PARP8: variants seen among roughly 807,000 people sequenced by gnomAD.
The protein encoded by PARP8 is protein mono-ADP-ribosyltransferase PARP8.
PARP8 carries 51 observed loss-of-function variants against 124.1 expected under a neutral mutation model. That is an observed-to-expected ratio of 0.41 (90% CI 0.33 to 0.52). The LOEUF is 0.52. PARP8 is among the 20% of genes least tolerant of loss of function. PARP8 has a pLI of 0.21. For synonymous variants in PARP8, 391 were observed against 361.5 expected, an observed-to-expected ratio of 1.08 and a Z score of -0.93; for missense variants, 860 against 1,018.9, an observed-to-expected ratio of 0.84 and a Z score of 2.12.
chr5:50,721,057 A>C (rs542768643), intron 2 of PARP8, among the ~76,000 whole-genome samples: 1 of 150,140 alleles, frequency 6.7e-6, no homozygotes, highest in African/African-American at 2.4e-5. Flanking sequence ...GGAGAAGGTC[A>C]TCTAATGATC....
intron 2 of PARP8, among the ~76,000 whole-genome samples, chr5:50,691,936 G>A (rs1165875719): frequency 6.6e-6 from 1 of 152,056 alleles, no homozygotes; most frequent in Admixed American, 6.6e-5. Context: ...TTAACTATTT[G>A]TTATCATATC....
chr5:50,817,142 T>C (rs1258129142), intron 15 of PARP8, among the ~76,000 whole-genome samples: 1 of 152,160 alleles, frequency 6.6e-6, no homozygotes, highest in South Asian at 2.1e-4. Flanking sequence ...AAAAGTAGTA[T>C]GCTAACAGTA....
chr5:50,804,890 T>A (rs1743652943), intron 14 of PARP8, among the ~76,000 whole-genome samples: 1 of 152,138 alleles, frequency 6.6e-6, no homozygotes, highest in Non-Finnish European at 1.5e-5. Context: ...TGCGTTTACG[T>A]AGAGTTAAAT....
At chr5:50,730,734 T>G (rs1373586471) in intron 2 of PARP8, among the ~76,000 whole-genome samples, 3 of 152,192 alleles carry the variant, frequency 2.0e-5, no homozygotes. Flanking sequence ...CAGAGATTAT[T>G]GAGATATTTT....
At chr5:50,738,947 C>A (rs1252392554) in intron 2 of PARP8, 1 of 701,892 alleles carries the variant, frequency 1.4e-6, no homozygotes, top group Non-Finnish European at 2.6e-6. Flanking sequence ...CTGTCTCTGA[C>A]ATTTTCTAAG....
chr5:50,717,681 A>T (rs1755462340), intron 2 of PARP8, among the ~76,000 whole-genome samples: 1 of 151,966 alleles, frequency 6.6e-6, no homozygotes, highest in Non-Finnish European at 1.5e-5. Flanking sequence ...GAAACTAAGG[A>T]AGGACCATAG....
chr5:50,821,260 T>C lies in PARP8; in HGVS notation c.1716T>C (p.Pro572=), dbSNP rs1338205409. ...TGTGTAGGTCTGCGTTGGAATCTCC[T>C]AGAAAAGTTGTGATTTTCGAGCCAT... ...VSMCRSALES[P]RKVVIFEPYP... The change falls in exon 16 of 26, where the codon CCT becomes CCC. Residue 572 remains proline (P), a synonymous_variant. Transcript: ENST00000281631. The C allele has an allele frequency of 2.5e-6, 4 of 1,613,746 alleles. No homozygotes were observed. In the African/African-American group the frequency reaches 5.3e-5, roughly 22 times the overall value.
intron 10 of PARP8, among the ~76,000 whole-genome samples, chr5:50,792,071 A>T (rs1191741107): frequency 4.6e-5 from 7 of 152,176 alleles, no homozygotes; most frequent in Non-Finnish European, 1.0e-4. Flanking sequence ...CTTTGTTCAC[A>T]TAGTTGGCCG....
intron 21 of PARP8, among the ~76,000 whole-genome samples, chr5:50,829,166 ATAT>A (rs1746673663): frequency 6.6e-6 from 1 of 152,150 alleles, no homozygotes; most frequent in African/African-American, 2.4e-5. Flanking sequence ...TGTTAGCAGG[ATAT>A]CATGGCAGTC....
Position 50,843,987 on chromosome 5 carries a change from C to G in PARP8, c.*1919C>G, listed in dbSNP as rs1748422447. The G allele has an allele frequency of 6.6e-6, 1 of 151,738 alleles. No individual in the cohort carries two copies. The highest frequency in any genetic ancestry group is 1.5e-5 in the Non-Finnish European group (1 of 67,804). The allele number at this position is 151,738 out of a possible 1,614,324, so 9.4% of individuals were successfully genotyped here. ...CTCCAATAAGCTCTGTAGAGTGCCT[C>G]CAGCATAATTCAAAATCCACTGACC... On this transcript the variant is annotated 3_prime_UTR_variant, in exon 26 of 26. Coordinates refer to ENST00000281631, the MANE Select transcript of PARP8 (RefSeq NM_024615.4).
intron 4 of PARP8, 49 bp downstream of exon 4, chr5:50,759,781 T>G: frequency 1.3e-6 from 2 of 1,512,240 alleles, no homozygotes; most frequent in Non-Finnish European, 1.8e-6. Context: ...TAAATTGCAT[T>G]ATCTTTTTTT....
At chr5:50,715,824 T>A (rs1755248988) in intron 2 of PARP8, among the ~76,000 whole-genome samples, 1 of 152,086 alleles carries the variant, frequency 6.6e-6, no homozygotes, top group Admixed American at 6.6e-5. Context: ...AGCTTCTGTC[T>A]CCTTCTTTTC....
chr5:50,758,894 CCTGTAGACTAA>C (rs1292958716), intron 3 of PARP8, among the ~76,000 whole-genome samples: 2 of 151,806 alleles, frequency 1.3e-5, no homozygotes, highest in Non-Finnish European at 2.9e-5. Flanking sequence ...ATTTAAGGAC[CCTGTAGACTAA>C]CTTAGTATTT....
At chr5:50,759,788 T>G (rs574685027) in intron 4 of PARP8, 56 bp downstream of exon 4, 90 of 1,494,166 alleles carry the variant, frequency 6.0e-5, no homozygotes, top group Admixed American at 2.3e-4. Flanking sequence ...CATTATCTTT[T>G]TTTGTTTGTT....
At chr5:50,731,534 G>A (rs951434520) in intron 2 of PARP8, among the ~76,000 whole-genome samples, 4 of 152,218 alleles carry the variant, frequency 2.6e-5, no homozygotes, top group African/African-American at 7.2e-5. Flanking sequence ...GTAAAGGGTC[G>A]CTAAACAGCT....
chr5:50,677,474 T>G (rs985118224), intron 2 of PARP8, among the ~76,000 whole-genome samples: 5 of 152,216 alleles, frequency 3.3e-5, no homozygotes, highest in Non-Finnish European at 7.4e-5. Flanking sequence ...AATTCTTTCT[T>G]GATTTTTCTT....
At chr5:50,790,940 G>A (rs1046850060) in intron 10 of PARP8, among the ~76,000 whole-genome samples, 1 of 151,868 alleles carries the variant, frequency 6.6e-6, no homozygotes, top group Non-Finnish European at 1.5e-5. Context: ...AATTAGATTT[G>A]GCTATGATCC....
chr5:50,811,858 G>T (rs1461994143), intron 14 of PARP8, among the ~76,000 whole-genome samples: 1 of 152,108 alleles, frequency 6.6e-6, no homozygotes, highest in Non-Finnish European at 1.5e-5. Flanking sequence ...CTGTCTTTGC[G>T]ATAGTTTGCT....
intron 2 of PARP8, among the ~76,000 whole-genome samples, chr5:50,705,766 C>T (rs1488837150): frequency 3.3e-5 from 5 of 151,836 alleles, no homozygotes; most frequent in Non-Finnish European, 5.9e-5. Context: ...CTAGGTGACA[C>T]AAGACTCTGT....
Sources: allele counts gnomAD v4.1 joint callset (sites outside exome capture counted in the v4.1 genomes callset), GRCh38; gene constraint gnomAD v4.1.1; transcripts MANE v1.5; gene names NCBI Gene and HGNC (gene_info 2026-07-23, HGNC 2026-07-21).